Variants in MLXIP observed in about 807,000 individuals in gnomAD.
MLXIP encodes the protein MLX-interacting protein.
Under a neutral mutation model 87.2 loss-of-function variants are expected in MLXIP, and 30 were observed. That is an observed-to-expected ratio of 0.34 (90% confidence interval 0.26 to 0.47). MLXIP has a LOEUF of 0.47. MLXIP is among the 20% of genes least tolerant of loss of function. MLXIP has a pLI of 1.00. For synonymous variants in MLXIP, 530 were observed against 514.0 expected (o/e 1.03, Z -0.42); for missense variants, 1,002 against 1,240.1 (o/e 0.81, Z 2.88).
At position 122,141,910 on chromosome 12, in the gene MLXIP, C is replaced by T. The variant is rs968895576; in HGVS notation, c.*98C>T. On this transcript the variant is annotated 3_prime_UTR_variant, in exon 17 of 17. Transcript: ENST00000319080. ...CCCAGCCCTTCCTGACGCTCAGCCT[C>T]GGGGCCTCTCTCCAACTCTGCCGGC... The T allele has an allele frequency of 2.9e-5, 45 of 1,535,670 alleles. No homozygotes were observed. Among genetic ancestry groups the T allele is most frequent in the Middle Eastern group, 2.4e-4 (1 of 4,196 alleles).
At chr12:122,097,217 G>A (rs764346021) in intron 1 of MLXIP, among the ~76,000 whole-genome samples, 7 of 152,046 alleles carry the variant, frequency 4.6e-5, no homozygotes, top group Non-Finnish European at 8.8e-5. Flanking sequence ...CCAGGCTGGA[G>A]TGCAATGGTG....
rs762737331 is a variant in MLXIP, at chr12:122,133,391, C to T, written c.1136C>T (p.Pro379Leu). ...PTTALPTVSLPDSLIAPPTAP... is the reference protein window; with the variant it reads ...PTTALPTVSLLDSLIAPPTAP... ...ACAGCCCTCCCCACTGTGAGCCTTC[C>T]TGACAGCCTCATCGCGCCCCCTACC... The change falls in exon 9 of 17, where the codon CCT becomes CTT. Residue 379 changes from proline to leucine, a missense_variant. Coordinates refer to ENST00000319080, the MANE Select transcript of MLXIP (RefSeq NM_014938.6). The surrounding 1 kb of genome is among the most constrained non-coding windows in gnomAD (Gnocchi z 4.9). The T allele has an allele frequency of 6.3e-7, 1 of 1,597,784 alleles. No individual in the cohort carries two copies. Among genetic ancestry groups the T allele is most frequent in the South Asian group, 1.1e-5 (1 of 89,552 alleles).
rs1248803063 is a variant in MLXIP at position 122,132,390 on chromosome 12, G to A, written c.1092+7G>A. 6.2e-7 allele frequency: 1 copy of A among 1,604,384 alleles called. No homozygotes were observed. The highest frequency in any genetic ancestry group is 1.7e-5 in the Admixed American group (1 of 59,038). ...CAACAACCCACCTGCACAGGTAGAG[G>A]AAGCTGGGGGATGGGTGGGGGAAGG... On this transcript the variant is annotated splice_region_variant and intron_variant, in intron 8 of 16. Transcript: ENST00000319080.
rs778814598 is a variant in MLXIP, at chr12:122,130,100, C to T, written c.898C>T (p.Pro300Ser). Residue 300 changes from proline (P) to serine (S), a missense_variant, in exon 6 of 17, where the codon CCC (proline) becomes TCC (serine). Physicochemically the swap from Pro to Ser is moderately conservative, Grantham distance 74. Transcript: ENST00000319080. ...SSHQPVAWPN[P>S]REIAHLGNAD... ...ACACCAGCCGGTGGCCTGGCCCAAT[C>T]CCCGGGAAATAGGTAACCCAAACCA... 1.3e-5 allele frequency: 21 copies of T among 1,613,434 alleles called. No homozygotes were observed. The highest frequency in any genetic ancestry group is 1.8e-5 in the Non-Finnish European group (21 of 1,179,704).
At chr12:122,127,198 A>C in intron 1 of MLXIP, 58 bp from the exon 2 acceptor site, 1 of 1,362,184 alleles carries the variant, frequency 7.3e-7, no homozygotes, top group Non-Finnish European at 1.0e-6. Context: ...GGCACTTTGT[A>C]ATTTCACTTC....
chr12:122,081,589 G>A (rs1189390325), intron 1 of MLXIP, among the ~76,000 whole-genome samples: 1 of 152,162 alleles, frequency 6.6e-6, no homozygotes. Flanking sequence ...TTGGGAGGCC[G>A]AGGTGGGGGA....
intron 1 of MLXIP, among the ~76,000 whole-genome samples, chr12:122,087,364 A>C (rs2135897720): frequency 6.6e-6 from 1 of 152,238 alleles, no homozygotes; most frequent in Non-Finnish European, 1.5e-5. Flanking sequence ...GCAAGAATAG[A>C]AAGAAGATGA....
chr12:122,081,681 A>G (rs1952093074), intron 1 of MLXIP, among the ~76,000 whole-genome samples: 1 of 152,158 alleles, frequency 6.6e-6, no homozygotes, highest in Admixed American at 6.5e-5. Flanking sequence ...AAAGAAAGAA[A>G]AAAAGGGATT....
chr12:122,133,158 A>C lies in MLXIP; in HGVS notation c.1093-190A>C. ...CTCTGAGTTATTTAGTTTTTAATGGAAACAAGACCCCCGCAGACACGCAGG... is the reference window on the plus strand; with the variant it reads ...CTCTGAGTTATTTAGTTTTTAATGGCAACAAGACCCCCGCAGACACGCAGG... On this transcript the variant is annotated intron_variant, in intron 8 of 16. Coordinates refer to ENST00000319080, the MANE Select transcript of MLXIP (RefSeq NM_014938.6). This position sits in a 1 kb window ranked among gnomAD's most constrained non-coding sequence, Gnocchi z 4.9. 1.7e-6 allele frequency: 1 copy of C among 573,116 alleles called. No individual in the cohort carries two copies. The highest frequency in any genetic ancestry group is 2.9e-6 in the Non-Finnish European group (1 of 350,582). 35.5% of individuals were successfully genotyped at this position (573,116 alleles called of 1,614,324 possible).
At position 122,120,372 on chromosome 12, in the gene MLXIP, G is replaced by A. The variant is rs1952759880; in HGVS notation, c.414-6884G>A. Among the ~76,000 whole-genome samples, 5 of 152,138 alleles carry A rather than the reference G, an allele frequency of 3.3e-5. No individual in the cohort carries two copies. The South Asian group carries it at 1.0e-3, about 32-fold the overall frequency. On this transcript the variant is annotated intron_variant, in intron 1 of 16. Coordinates refer to ENST00000319080, the MANE Select transcript of MLXIP (RefSeq NM_014938.6). ...TGAGTAGCTAGGACCACAGGCACATGCCACCAAGCCCAGCTGATTTTCTGA... is the reference window on the plus strand; with the variant it reads ...TGAGTAGCTAGGACCACAGGCACATACCACCAAGCCCAGCTGATTTTCTGA...
intron 1 of MLXIP, among the ~76,000 whole-genome samples, chr12:122,114,908 G>A (rs1366867900): frequency 6.6e-6 from 1 of 151,626 alleles, no homozygotes; most frequent in Non-Finnish European, 1.5e-5. Context: ...ACTACTGCCC[G>A]GTTAATTTTT....
At chr12:122,111,903 C>T (rs1044219517) in intron 1 of MLXIP, among the ~76,000 whole-genome samples, 9 of 152,150 alleles carry the variant, frequency 5.9e-5, no homozygotes, top group East Asian at 1.9e-4. Flanking sequence ...GTGCTGCCTA[C>T]ATTAATTGAT....
At chr12:122,096,656 CCAG>C (rs1952356414) in intron 1 of MLXIP, among the ~76,000 whole-genome samples, 2 of 152,216 alleles carry the variant, frequency 1.3e-5, no homozygotes, top group Admixed American at 1.3e-4. Context: ...TCACATTTGT[CCAG>C]CAGCCTGCTG....
chr12:122,106,139 C>T (rs1417552342), intron 1 of MLXIP, among the ~76,000 whole-genome samples: 1 of 152,212 alleles, frequency 6.6e-6, no homozygotes, highest in Non-Finnish European at 1.5e-5. Context: ...AAGCTGCAGA[C>T]CCATTTATGG....
intron 1 of MLXIP, among the ~76,000 whole-genome samples, chr12:122,098,421 C>T (rs1952388494): frequency 6.6e-6 from 1 of 152,188 alleles, no homozygotes; most frequent in Admixed American, 6.5e-5. Context: ...AAGATTGACA[C>T]AGCAGCGCTC....
chr12:122,093,447 T>G (rs1463758670), intron 1 of MLXIP, among the ~76,000 whole-genome samples: 2 of 143,116 alleles, frequency 1.4e-5, no homozygotes, highest in African/African-American at 5.3e-5. Context: ...GTGTTGTATG[T>G]GTGGGGTGTG....
intron 1 of MLXIP, among the ~76,000 whole-genome samples, chr12:122,083,665 C>T (rs980624656): frequency 3.9e-5 from 6 of 152,204 alleles, no homozygotes; most frequent in African/African-American, 1.4e-4. Flanking sequence ...CTGCCTGCCT[C>T]AGCCTCCCAA....
intron 1 of MLXIP, among the ~76,000 whole-genome samples, chr12:122,081,689 A>T (rs1028674245): frequency 6.6e-6 from 1 of 152,004 alleles, no homozygotes. Context: ...AAAAAAAGGG[A>T]TTGGGGGCAG....
intron 1 of MLXIP, among the ~76,000 whole-genome samples, chr12:122,087,177 A>C (rs1173258261): frequency 1.3e-5 from 2 of 152,186 alleles, no homozygotes; most frequent in African/African-American, 2.4e-5. Context: ...TGGCCGCCCC[A>C]GCACAAATGC....
Sources: gnomAD v4.1 joint callset for allele counts (sites outside exome capture counted in the v4.1 genomes callset) on GRCh38, gnomAD v4.1.1 for gene constraint, Gnocchi (gnomAD v3.1) non-coding constraint, MANE v1.5 for transcripts, NCBI Gene and HGNC (gene_info 2026-07-23, HGNC 2026-07-21) for gene names.